The following INSR variants were observed in gnomAD, a reference collection of about 807,000 sequenced individuals.
INSR encodes IR.
In INSR, 67 loss-of-function variants were observed where a neutral mutation model predicts 142.6. The ratio of observed to expected loss-of-function variants is 0.47; its 90% CI spans 0.39 to 0.58. INSR has a LOEUF of 0.58. Ranked by LOEUF, INSR falls within the 20% of genes least tolerant of loss-of-function variation. The pLI is 0.00. For synonymous variants in INSR, 756 were observed against 743.1 expected, an observed-to-expected ratio of 1.02 and a Z score of -0.28; for missense variants, 1,248 against 1,833.2, an observed-to-expected ratio of 0.68 and a Z score of 5.83.
chr19:7,240,401 G>T (rs1282020048), intron 2 of INSR, among the ~76,000 whole-genome samples: 1 of 151,792 alleles, frequency 6.6e-6, no homozygotes, highest in Non-Finnish European at 1.5e-5. Flanking sequence ...AGGCCAACAT[G>T]GTGAAACCCC....
chr19:7,142,616 A>G (rs1370881449), intron 12 of INSR, among the ~76,000 whole-genome samples, 200 bp downstream of exon 12: 1 of 149,398 alleles, frequency 6.7e-6, no homozygotes, highest in Non-Finnish European at 1.5e-5. Context: ...ATCACTTGAC[A>G]TAGGTGGCAG....
At chr19:7,224,163 C>T (rs534962853) in intron 2 of INSR, among the ~76,000 whole-genome samples, 26 of 151,446 alleles carry the variant, frequency 1.7e-4, no homozygotes, top group African/African-American at 5.3e-4. Context: ...AGGATGGTCT[C>T]GATCTCTTGA....
At position 7,117,325 on chromosome 19, in the gene INSR, G is replaced by C. The variant is rs754482816; in HGVS notation, c.3880C>G (p.Leu1294Val). The C allele has an allele frequency of 2.5e-6, 4 of 1,614,144 alleles. No individual in the cohort carries two copies. Among genetic ancestry groups the C allele is most frequent in the Non-Finnish European group, 3.4e-6 (4 of 1,180,026 alleles). ...LEIVNLLKDD[L>V]HPSFPEVSFF... ...GACACCTCTGGAAAGCTGGGGTGCA[G>C]GTCGTCCTTGAGCAGGTTGACAATC... The change falls in exon 22 of 22, where the codon CTG becomes GTG. Residue 1294 changes from leucine to valine, a missense_variant. Transcript: ENST00000302850.
At chr19:7,252,859 T>C (rs570282732) in intron 2 of INSR, among the ~76,000 whole-genome samples, 4 of 152,060 alleles carry the variant, frequency 2.6e-5, no homozygotes, top group Non-Finnish European at 5.9e-5. Context: ...CTCACGCCTG[T>C]AATCCCAGCA....
chr19:7,197,516 G>GTGGGTGTGTGTGT lies in INSR; in HGVS notation c.653-12880_653-12879insACACACACACCCA, dbSNP rs1568480264. On this transcript the variant is annotated intron_variant, in intron 2 of 21. Transcript: ENST00000302850. ...TGGCAGGTTCCAGAGTGGGAGTGGG[G>GTGGGTGTGTGTGT]GTGTGTGTGTGTGTGTGTGTGTGTG... Among the ~76,000 whole-genome samples the GTGGGTGTGTGTGT allele has an allele frequency of 1.3e-4, 9 of 70,856 alleles. 1 individual carries two copies. Among genetic ancestry groups the GTGGGTGTGTGTGT allele is most frequent in the Non-Finnish European group, 2.2e-4 (8 of 35,640 alleles). 46.5% of individuals were successfully genotyped at this position (70,856 alleles called of 152,430 possible). A position where few individuals can be genotyped will look rare whatever the true frequency, so the allele number is the denominator to read the frequency against.
At chr19:7,142,157 C>G (rs1021422136) in intron 12 of INSR, among the ~76,000 whole-genome samples, 1 of 151,802 alleles carries the variant, frequency 6.6e-6, no homozygotes, top group African/African-American at 2.4e-5. Context: ...AATCCCAGCA[C>G]TTTGGGAGCT....
chr19:7,122,353 G>A (rs1972512594), intron 19 of INSR, among the ~76,000 whole-genome samples: 1 of 150,860 alleles, frequency 6.6e-6, no homozygotes, highest in African/African-American at 2.4e-5. Flanking sequence ...TGAGGCAGGT[G>A]AATCACTTGA....
At chr19:7,181,960 A>T (rs1974285289) in intron 3 of INSR, among the ~76,000 whole-genome samples, 1 of 152,198 alleles carries the variant, frequency 6.6e-6, no homozygotes, top group Admixed American at 6.5e-5. Context: ...CCAGAATGGA[A>T]GAAAACATCT....
intron 2 of INSR, among the ~76,000 whole-genome samples, chr19:7,200,694 A>G (rs1974928506): frequency 6.6e-6 from 1 of 151,706 alleles, no homozygotes; most frequent in Non-Finnish European, 1.5e-5. Flanking sequence ...AAAATTAAAG[A>G]TTAAAAAAAA....
At chr19:7,268,303 G>C (rs1039771324) in intron 1 of INSR, 1 of 389,574 alleles carries the variant, frequency 2.6e-6, no homozygotes, top group Non-Finnish European at 3.5e-6. Flanking sequence ...GTCAGAAATG[G>C]GGCAAGGAAA....
intron 17 of INSR, among the ~76,000 whole-genome samples, chr19:7,124,009 C>T (rs1283446700): frequency 6.6e-6 from 1 of 152,030 alleles, no homozygotes; most frequent in East Asian, 1.9e-4. Context: ...ATCATGAGGT[C>T]AGGAGATCGA....
At chr19:7,158,329 T>C (rs535033980) in intron 9 of INSR, among the ~76,000 whole-genome samples, 2 of 151,650 alleles carry the variant, frequency 1.3e-5, no homozygotes, top group South Asian at 2.1e-4. Flanking sequence ...TGAAACCCCG[T>C]CTCTACTAAA....
At chr19:7,126,085 G>A (rs1439773799) in intron 16 of INSR, among the ~76,000 whole-genome samples, 1 of 152,132 alleles carries the variant, frequency 6.6e-6, no homozygotes, top group Non-Finnish European at 1.5e-5. Context: ...TTTCTACTAG[G>A]AACCAACAGA....
At chr19:7,243,790 C>T (rs920941081) in intron 2 of INSR, among the ~76,000 whole-genome samples, 14 of 152,108 alleles carry the variant, frequency 9.2e-5, no homozygotes, top group African/African-American at 2.4e-4. Context: ...TCGAATTCAA[C>T]GTTATGCTGA....
chr19:7,241,084 G>A (rs1976324570), intron 2 of INSR, among the ~76,000 whole-genome samples: 1 of 152,108 alleles, frequency 6.6e-6, no homozygotes, highest in African/African-American at 2.4e-5. Flanking sequence ...CTGGGAAGAA[G>A]GGAGGAGAAT....
At chr19:7,128,999 C>A in intron 14 of INSR, 45 bp from the exon 15 acceptor site, 1 of 1,473,330 alleles carries the variant, frequency 6.8e-7, no homozygotes, top group African/African-American at 1.4e-5. Flanking sequence ...AATGTGTTTC[C>A]AACAAAGTTC....
At chr19:7,156,988 T>C (rs1973611495) in intron 9 of INSR, among the ~76,000 whole-genome samples, 4 of 88,588 alleles carry the variant, frequency 4.5e-5, no homozygotes, top group Admixed American at 4.0e-4. Context: ...TTTTTTGTTT[T>C]TGTTTTTTTG....
At position 7,116,129 on chromosome 19, in the gene INSR, T is replaced by C. The variant is rs1972317571; in HGVS notation, c.*927A>G. On this transcript the variant is annotated 3_prime_UTR_variant, in exon 22 of 22. Coordinates refer to ENST00000302850, the MANE Select transcript of INSR (RefSeq NM_000208.4). The stretch of plus-strand genomic sequence containing the variant: ...TTTTGTTTTTTCTTTCTTTTTCTTT[T>C]TTTTTTTTTAATGTCCTAGCTTGGT... The C allele has an allele frequency of 6.7e-6, 1 of 150,128 alleles. No individual in the cohort carries two copies. Among genetic ancestry groups the C allele is most frequent in the Non-Finnish European group, 1.5e-5 (1 of 67,558 alleles). 9.3% of individuals were successfully genotyped at this position (150,128 alleles called of 1,614,324 possible).
At chr19:7,132,508 T>C (rs1469042686) in intron 13 of INSR, among the ~76,000 whole-genome samples, 191 bp from the exon 14 acceptor site, 2 of 152,170 alleles carry the variant, frequency 1.3e-5, no homozygotes, top group Non-Finnish European at 2.9e-5. Context: ...GATAAAGATA[T>C]ATGCAGAGGT....
Sources: gnomAD v4.1 joint callset for allele counts (sites outside exome capture counted in the v4.1 genomes callset) on GRCh38, gnomAD v4.1.1 for gene constraint, MANE v1.5 for transcripts, NCBI Gene and HGNC (gene_info 2026-07-23, HGNC 2026-07-21) for gene names.